The following CTIF variants were observed in gnomAD, a reference collection of about 807,000 sequenced individuals.
CTIF encodes cap binding complex dependent translation initiation factor, also known as CBP80/20-dependent translation initiation factor.
CTIF carries 21 observed loss-of-function variants against 66.0 expected under a neutral mutation model. The observed-to-expected ratio is 0.32, with a 90% CI of 0.23 to 0.46. The LOEUF (loss-of-function observed/expected upper bound fraction) is 0.46, where lower values mean the gene tolerates loss of function less well. Among genes scored for constraint, CTIF ranks in the 20% least tolerant of loss-of-function variants. The probability of loss-of-function intolerance (pLI) is 1.00; values close to 1 mark genes in which losing one functional copy is unlikely to be tolerated. For synonymous variants in CTIF, 345 were observed against 326.4 expected (o/e 1.06, Z -0.62); for missense variants, 739 against 812.7 (o/e 0.91, Z 1.10).
chr18:48,826,585 T>C (rs1251341175), intron 10 of CTIF: 2 of 152,310 alleles, frequency 1.3e-5, no homozygotes, highest in African/African-American at 2.4e-5. Context: ...TCTCCAGATA[T>C]GCTCTTTGCC....
intron 1 of CTIF, among the ~76,000 whole-genome samples, chr18:48,596,464 C>G (rs1380889550): frequency 1.3e-5 from 2 of 150,764 alleles, no homozygotes; most frequent in Non-Finnish European, 3.0e-5. Context: ...TTTTCCTTTT[C>G]TTTTCTTTCT....
chr18:48,619,756 G>T lies in CTIF; in HGVS notation c.180+11G>T. The T allele has an allele frequency of 6.5e-7, 1 of 1,545,780 alleles. No individual in the cohort carries two copies. Among genetic ancestry groups the T allele is most frequent in the Non-Finnish European group, 8.7e-7 (1 of 1,143,464 alleles). On this transcript the variant is annotated intron_variant, in intron 2 of 11. Transcript: ENST00000256413. ...TCCCACATCTCCCAGGTGAGCGCGG[G>T]CCCGGGGTTGGGGCAGCTTGGGAAA...
At chr18:48,654,702 T>C in intron 3 of CTIF, among the ~76,000 whole-genome samples, 1 of 152,212 alleles carries the variant, frequency 6.6e-6, no homozygotes, top group Non-Finnish European at 1.5e-5. Flanking sequence ...CTATTCACAA[T>C]AGCAAAGACT....
At chr18:48,799,828 C>T (rs894954284) in intron 9 of CTIF, among the ~76,000 whole-genome samples, 6 of 152,222 alleles carry the variant, frequency 3.9e-5, no homozygotes, top group Admixed American at 2.6e-4. Context: ...GGTACATTGC[C>T]GAATAAAGCA....
intron 3 of CTIF, among the ~76,000 whole-genome samples, chr18:48,639,056 GAC>G (rs2090878449): frequency 6.6e-6 from 1 of 152,230 alleles, no homozygotes; most frequent in South Asian, 2.1e-4. Context: ...GCCACTGAGG[GAC>G]ACCCCCTGCC....
chr18:48,583,766 T>C (rs2089711588), intron 1 of CTIF, among the ~76,000 whole-genome samples: 1 of 152,154 alleles, frequency 6.6e-6, no homozygotes, highest in Non-Finnish European at 1.5e-5. Flanking sequence ...AGGGGCAGCC[T>C]GAACTGAGCA....
intron 1 of CTIF, among the ~76,000 whole-genome samples, chr18:48,592,913 G>T (rs1392605026): frequency 6.6e-6 from 1 of 152,238 alleles, no homozygotes; most frequent in Non-Finnish European, 1.5e-5. Context: ...TTCCGGAGAG[G>T]CAGGCTGCCG....
intron 6 of CTIF, among the ~76,000 whole-genome samples, chr18:48,708,572 G>C (rs1236249719): frequency 6.6e-6 from 1 of 152,204 alleles, no homozygotes; most frequent in African/African-American, 2.4e-5. Flanking sequence ...CATTGAGGCT[G>C]AGGCCCCAGG....
chr18:48,539,155 G>C lies in CTIF; in HGVS notation c.-186G>C, dbSNP rs1272035152. 3.1e-5 allele frequency: 4 copies of C among 129,274 alleles called. No individual in the cohort carries two copies. Among genetic ancestry groups the C allele is most frequent in the African/African-American group, 1.2e-4 (4 of 33,780 alleles). The allele number at this position is 129,274 out of a possible 1,614,324, so 8.0% of individuals were successfully genotyped here. A position where few individuals can be genotyped will look rare whatever the true frequency, so the allele number is the denominator to read the frequency against. On this transcript the variant is annotated 5_prime_UTR_variant, in exon 1 of 12. Coordinates refer to ENST00000256413, the MANE Select transcript of CTIF (RefSeq NM_014772.3). ...CCCTCCCTCCCTCCCCTCTCTGCTG[G>C]GTCTGTGCGCTGGGGCGCCCGATCC...
intron 7 of CTIF, among the ~76,000 whole-genome samples, chr18:48,717,943 T>C (rs988402254): frequency 2.6e-5 from 4 of 152,044 alleles, no homozygotes; most frequent in Non-Finnish European, 5.9e-5. Context: ...AGTCTTGCTA[T>C]GTTGCCCAGA....
intron 5 of CTIF, among the ~76,000 whole-genome samples, chr18:48,666,205 C>G (rs1409735515): frequency 2.0e-5 from 3 of 152,132 alleles, no homozygotes; most frequent in Non-Finnish European, 2.9e-5. Flanking sequence ...CCTGCTCACT[C>G]TTGTCTCCCT....
chr18:48,771,794 C>T (rs181730239), intron 9 of CTIF, among the ~76,000 whole-genome samples: 43 of 152,340 alleles, frequency 2.8e-4, no homozygotes, highest in Non-Finnish European at 5.0e-4. Flanking sequence ...TCCTTCCCCC[C>T]AGCTCTGTGA....
At chr18:48,658,099 G>C (rs2091274242) in intron 3 of CTIF, among the ~76,000 whole-genome samples, 1 of 152,068 alleles carries the variant, frequency 6.6e-6, no homozygotes, top group Non-Finnish European at 1.5e-5. Flanking sequence ...GACATTCGAG[G>C]GTTTGTAGAA....
intron 3 of CTIF, among the ~76,000 whole-genome samples, chr18:48,654,171 C>G (rs552036634): frequency 6.6e-6 from 1 of 152,194 alleles, no homozygotes; most frequent in Non-Finnish European, 1.5e-5. Flanking sequence ...AAAGAAACTA[C>G]CATAAGAGTG....
intron 9 of CTIF, among the ~76,000 whole-genome samples, chr18:48,814,855 C>G (rs1014334798): frequency 2.0e-5 from 3 of 152,172 alleles, no homozygotes; most frequent in African/African-American, 7.2e-5. Context: ...CCCTTTTCAC[C>G]CTGGGTGAAA....
At chr18:48,545,488 T>A (rs1355784216) in intron 1 of CTIF, among the ~76,000 whole-genome samples, 1 of 152,004 alleles carries the variant, frequency 6.6e-6, no homozygotes, top group Non-Finnish European at 1.5e-5. Flanking sequence ...TAGTTGGGAG[T>A]AAAGTCCGCA....
intron 5 of CTIF, 88 bp downstream of exon 5, chr18:48,664,639 A>G (rs973367974): frequency 1.1e-5 from 12 of 1,141,884 alleles, no homozygotes; most frequent in Non-Finnish European, 1.3e-5. Context: ...GCTCTGCTGC[A>G]CAGGGGACTC....
chr18:48,817,190 G>A (rs190405037), intron 9 of CTIF, 31 bp from the exon 10 acceptor site: 1 of 1,604,640 alleles, frequency 6.2e-7, no homozygotes, highest in East Asian at 2.2e-5. Flanking sequence ...CCAGCCCCGG[G>A]AGGCTGACGC....
intron 1 of CTIF, among the ~76,000 whole-genome samples, chr18:48,608,219 C>T (rs1273735414): frequency 1.3e-5 from 2 of 152,140 alleles, no homozygotes; most frequent in African/African-American, 2.4e-5. Context: ...CTGAAGGGGA[C>T]AGCACTTCTT....
Sources: allele counts gnomAD v4.1 joint callset (sites outside exome capture counted in the v4.1 genomes callset), GRCh38; gene constraint gnomAD v4.1.1; transcripts MANE v1.5; gene names NCBI Gene and HGNC (gene_info 2026-07-23, HGNC 2026-07-21).